LRMDA: variants seen among roughly 807,000 people sequenced by gnomAD.
LRMDA encodes leucine rich melanocyte differentiation associated, also known as leucine-rich melanocyte differentiation-associated protein.
LRMDA carries 18 observed loss-of-function variants against 29.8 expected under a neutral mutation model. The observed-to-expected ratio is 0.60, with a 90% confidence interval of 0.42 to 0.90. The LOEUF is 0.90. Among genes scored for constraint, LRMDA ranks in the 40% least tolerant of loss-of-function variants. LRMDA has a pLI of 0.00. For synonymous variants in LRMDA, 125 were observed against 109.4 expected, an observed-to-expected ratio of 1.14 and a Z score of -0.89; for missense variants, 273 against 273.9, an observed-to-expected ratio of 1.00 and a Z score of 0.02.
At chr10:75,722,949 C>T (rs968180900) in intron 2 of LRMDA, among the ~76,000 whole-genome samples, 2 of 152,170 alleles carry the variant, frequency 1.3e-5, no homozygotes, top group African/African-American at 4.8e-5. Flanking sequence ...GAACTATAGG[C>T]AACCCAAGAG....
intron 5 of LRMDA, among the ~76,000 whole-genome samples, chr10:76,162,413 A>G (rs573492929): frequency 2.6e-5 from 4 of 152,274 alleles, no homozygotes; most frequent in South Asian, 2.1e-4. Context: ...TCGCATTGCT[A>G]CAGAGAAATA....
intron 6 of LRMDA, among the ~76,000 whole-genome samples, chr10:76,532,530 G>A (rs1003383422): frequency 2.0e-5 from 3 of 152,286 alleles, no homozygotes; most frequent in Admixed American, 2.0e-4. Context: ...CTTTTAAGAG[G>A]GAGTAATAGC....
At chr10:75,960,789 G>A (rs1846751003) in intron 2 of LRMDA, among the ~76,000 whole-genome samples, 1 of 151,898 alleles carries the variant, frequency 6.6e-6, no homozygotes, top group Non-Finnish European at 1.5e-5. Flanking sequence ...AATTTTTTTT[G>A]TATTTTTAGT....
At chr10:75,724,189 T>C (rs1367609577) in intron 2 of LRMDA, among the ~76,000 whole-genome samples, 1 of 152,208 alleles carries the variant, frequency 6.6e-6, no homozygotes, top group Non-Finnish European at 1.5e-5. Flanking sequence ...ACACTCTACT[T>C]GGTTGTGGAG....
At chr10:76,324,530 A>C (rs749383728) in intron 6 of LRMDA, 45 bp downstream of exon 6, 2 of 1,557,506 alleles carry the variant, frequency 1.3e-6, no homozygotes, top group Admixed American at 3.3e-5. Context: ...GCAGGGAGGG[A>C]CACTTGGCTG....
chr10:75,802,331 A>C (rs868522090), intron 2 of LRMDA, among the ~76,000 whole-genome samples: 9 of 112,710 alleles, frequency 8.0e-5, no homozygotes, highest in Non-Finnish European at 1.4e-4. Context: ...ACACACACAC[A>C]CGCGCACACA....
intron 6 of LRMDA, among the ~76,000 whole-genome samples, chr10:76,416,157 A>G (rs1483838563): frequency 3.3e-5 from 5 of 152,186 alleles, no homozygotes; most frequent in African/African-American, 9.6e-5. Context: ...CAAAGCATTC[A>G]ACTAATATGG....
intron 5 of LRMDA, among the ~76,000 whole-genome samples, chr10:76,279,268 G>T (rs1337428798): frequency 6.6e-6 from 1 of 152,118 alleles, no homozygotes; most frequent in Non-Finnish European, 1.5e-5. Context: ...CTGTGATTTG[G>T]AGATAATAAG....
At chr10:75,804,595 G>A (rs555290586) in intron 2 of LRMDA, among the ~76,000 whole-genome samples, 3 of 152,170 alleles carry the variant, frequency 2.0e-5, no homozygotes, top group South Asian at 2.1e-4. Flanking sequence ...CCTGGCTGAG[G>A]GCTCCTCTTC....
At chr10:75,725,271 G>A (rs139999406) in intron 2 of LRMDA, among the ~76,000 whole-genome samples, 14 of 152,176 alleles carry the variant, frequency 9.2e-5, no homozygotes, top group Non-Finnish European at 1.8e-4. Context: ...GTAATCCACC[G>A]GTTATTTTCT....
chr10:75,772,179 G>T (rs1042436181), intron 2 of LRMDA, among the ~76,000 whole-genome samples: 6 of 152,130 alleles, frequency 3.9e-5, no homozygotes, highest in African/African-American at 1.2e-4. Context: ...ATTACACGCT[G>T]GCACCATATA....
rs183978389 is a variant in LRMDA at position 75,709,080 on chromosome 10, C to T, written c.131+270586C>T. Among the ~76,000 whole-genome samples, 531 of 152,276 alleles carry T rather than the reference C, an allele frequency of 3.5e-3. 3 individuals carry two copies. The highest frequency in any genetic ancestry group is 6.0e-3 in the Non-Finnish European group (406 of 68,032). ...ATTGTCATTTGCATGGATTCCCTCG[C>T]CCCACTCTCATCTTCATCTTTTGTC... On this transcript the variant is annotated intron_variant, in intron 2 of 6. Coordinates refer to ENST00000611255, the MANE Select transcript of LRMDA (RefSeq NM_001305581.2).
intron 6 of LRMDA, among the ~76,000 whole-genome samples, chr10:76,488,358 A>C (rs1842802557): frequency 6.6e-6 from 1 of 151,810 alleles, no homozygotes; most frequent in Non-Finnish European, 1.5e-5. Flanking sequence ...CCTCTGAGAA[A>C]TCACTAAATG....
At chr10:75,448,154 C>T (rs11001395) in intron 2 of LRMDA, among the ~76,000 whole-genome samples, 4 of 152,172 alleles carry the variant, frequency 2.6e-5, no homozygotes, top group Non-Finnish European at 4.4e-5. Flanking sequence ...CTGTAACTTG[C>T]AATATAATTT....
chr10:76,159,120 T>C (rs1453742558), intron 5 of LRMDA, among the ~76,000 whole-genome samples: 3 of 152,194 alleles, frequency 2.0e-5, no homozygotes, highest in Non-Finnish European at 4.4e-5. Context: ...TTCGTGTTCT[T>C]TATTTTTTAA....
intron 2 of LRMDA, among the ~76,000 whole-genome samples, chr10:75,895,566 C>G (rs539873721): frequency 1.3e-5 from 2 of 152,218 alleles, no homozygotes; most frequent in African/African-American, 4.8e-5. Flanking sequence ...GTTATAGGCT[C>G]TTATATCTCC....
chr10:75,658,132 T>A (rs1167047777), intron 2 of LRMDA, among the ~76,000 whole-genome samples: 2 of 152,056 alleles, frequency 1.3e-5, no homozygotes, highest in South Asian at 2.1e-4. Flanking sequence ...GAGAGACACC[T>A]CAGGCTCTAC....
At chr10:75,642,131 A>G (rs77801638) in intron 2 of LRMDA, among the ~76,000 whole-genome samples, 3,135 of 152,294 alleles carry the variant, frequency 0.021, 99 homozygotes, top group African/African-American at 0.073. Flanking sequence ...TCGCAGATTC[A>G]TGAACAGGGT....
At chr10:76,447,180 T>G (rs1842362436) in intron 6 of LRMDA, among the ~76,000 whole-genome samples, 1 of 152,186 alleles carries the variant, frequency 6.6e-6, no homozygotes, top group South Asian at 2.1e-4. Flanking sequence ...TTATAGAGTT[T>G]GGAGATTTCA....
Sources: gnomAD v4.1 joint callset for allele counts (sites outside exome capture counted in the v4.1 genomes callset) on GRCh38, gnomAD v4.1.1 for gene constraint, MANE v1.5 for transcripts, NCBI Gene and HGNC (gene_info 2026-07-23, HGNC 2026-07-21) for gene names.